CSAD: variants seen among roughly 807,000 people sequenced by gnomAD.
CSAD encodes the protein P-selectin cytoplasmic tail-associated protein.
Under a neutral mutation model 61.5 loss-of-function variants are expected in CSAD, and 47 were observed. That is an observed-to-expected ratio of 0.76 (90% CI 0.60 to 0.97). The LOEUF (loss-of-function observed/expected upper bound fraction) is 0.97, where lower values mean the gene tolerates loss of function less well. Ranked by LOEUF, CSAD falls within the 50% of genes least tolerant of loss-of-function variation. The probability of loss-of-function intolerance (pLI) is 0.00; values close to 1 mark genes in which losing one functional copy is unlikely to be tolerated. For synonymous variants in CSAD, 245 were observed against 252.7 expected, an observed-to-expected ratio of 0.97 and a Z score of 0.29; for missense variants, 611 against 643.6, an observed-to-expected ratio of 0.95 and a Z score of 0.55.
At position 53,160,767 on chromosome 12, in the gene CSAD, G is replaced by A. The variant is rs1407197472; in HGVS notation, c.962C>T (p.Thr321Ile). Reference protein sequence around the residue: ...LQCSALLLQDTSNLLKRCHGS... With the variant: ...LQCSALLLQDISNLLKRCHGS... ...CAGGGGCAGGGGCAGACCCACCGAG[G>A]TATCCTGGAGAAGAAGTGCAGAGCA... Residue 321 changes from threonine (T) to isoleucine (I), a missense_variant, in exon 13 of 17, where the codon ACC becomes ATC. By Grantham distance (89) the Thr-to-Ile change is moderately conservative. Transcript: ENST00000444623. 4 of 1,551,574 alleles carry A rather than the reference G, an allele frequency of 2.6e-6. No homozygotes were observed. Among genetic ancestry groups the A allele is most frequent in the Middle Eastern group, 3.3e-4 (2 of 5,992 alleles).
rs776345213 is a variant in CSAD at position 53,173,402 on chromosome 12, G to T, written c.69C>A (p.Ala23=). The part of the protein sequence containing the change: ...DPVAVEALLR[A]VFGVVVDEAI... Reference sequence around the variant, plus strand: ...CCTCATCCACAACAACCCCAAACACGGCCCGGAGCAAGGCTTCCACAGCCA... The same window carrying T: ...CCTCATCCACAACAACCCCAAACACTGCCCGGAGCAAGGCTTCCACAGCCA... The change falls in exon 4 of 17, where the codon GCC becomes GCA. Residue 23 remains alanine (A), a synonymous_variant. Transcript: ENST00000444623. The T allele has an allele frequency of 1.8e-5, 29 of 1,614,210 alleles. No homozygotes were observed. Among genetic ancestry groups the T allele is most frequent in the Non-Finnish European group, 2.0e-5 (24 of 1,180,038 alleles).
intron 2 of CSAD, among the ~76,000 whole-genome samples, chr12:53,174,919 G>A (rs1223388714): frequency 6.6e-6 from 1 of 152,170 alleles, no homozygotes; most frequent in South Asian, 2.1e-4. Context: ...TGTTATCAAA[G>A]GTCTAATGGA....
intron 1 of CSAD, chr12:53,179,792 T>C (rs770588102): frequency 6.2e-7 from 1 of 1,613,588 alleles, no homozygotes; most frequent in South Asian, 1.1e-5. Flanking sequence ...AAATGAGGAC[T>C]TCAGTGGAAT....
At chr12:53,180,154 A>G (rs1255367915) in intron 1 of CSAD, 1 of 1,254,416 alleles carries the variant, frequency 8.0e-7, no homozygotes, top group Non-Finnish European at 1.0e-6. Context: ...GAGAATTCAG[A>G]CTGTGGTTGA....
intron 10 of CSAD, among the ~76,000 whole-genome samples, chr12:53,167,466 T>C (rs921515072): frequency 5.3e-5 from 8 of 152,226 alleles, no homozygotes; most frequent in African/African-American, 1.9e-4. Flanking sequence ...AAGAGCACAA[T>C]GTACCTCACC....
At chr12:53,180,623 A>C in intron 1 of CSAD, 109 bp downstream of exon 1, 5 of 1,283,604 alleles carry the variant, frequency 3.9e-6, no homozygotes, top group Non-Finnish European at 5.1e-6. Flanking sequence ...TGCCCCCGCT[A>C]GTCTAGCTGC....
intron 3 of CSAD, 57 bp from the exon 4 acceptor site, chr12:53,173,533 C>G: frequency 6.2e-7 from 1 of 1,612,804 alleles, no homozygotes; most frequent in Non-Finnish European, 8.5e-7. Flanking sequence ...CGGACCTACC[C>G]AGCAGGAGCC....
intron 10 of CSAD, among the ~76,000 whole-genome samples, chr12:53,169,428 G>A (rs1050147878): frequency 2.7e-5 from 4 of 149,890 alleles, no homozygotes; most frequent in East Asian, 3.9e-4. Flanking sequence ...GCAGTGAGTC[G>A]AGATCACGCC....
In CSAD at chr12:53,158,634, A is replaced by G; in HGVS notation, c.1359T>C (p.Ile453=). 1 of 1,614,160 alleles carries G rather than the reference A, an allele frequency of 6.2e-7. No individual in the cohort carries two copies. The highest frequency in any genetic ancestry group is 8.5e-7 in the Non-Finnish European group (1 of 1,180,028). Residue 453 remains isoleucine, a synonymous_variant, in exon 17 of 17, where the codon ATT becomes ATC. Transcript: ENST00000444623. ...ERMVKEGSMM[I]GYQPHGTRGN... ...CCCGGGTCCCGTGGGGCTGGTAGCC[A>G]ATCATCATGGAGCCCTCCTTCACCA... is the stretch of plus-strand genomic sequence containing the variant.
intron 1 of CSAD, 97 bp downstream of exon 1, chr12:53,180,635 G>C (rs761179173): frequency 1.6e-6 from 2 of 1,283,352 alleles, no homozygotes; most frequent in Admixed American, 2.3e-5. Context: ...TCTAGCTGCC[G>C]AGCCCGGAAG....
At chr12:53,160,424 G>A in intron 13 of CSAD, 105 bp from the exon 14 acceptor site, 2 of 1,161,134 alleles carry the variant, frequency 1.7e-6, no homozygotes, top group South Asian at 1.3e-5. Flanking sequence ...TTCTTTCCCT[G>A]GAGCCAGATG....
At chr12:53,163,215 A>G (rs1939519844) in intron 10 of CSAD, among the ~76,000 whole-genome samples, 1 of 152,164 alleles carries the variant, frequency 6.6e-6, no homozygotes, top group Non-Finnish European at 1.5e-5. Flanking sequence ...AGCCTGGTCA[A>G]CAGAGTGAGG....
intron 11 of CSAD, 38 bp downstream of exon 11, chr12:53,161,231 TCAGC>T: frequency 6.2e-7 from 1 of 1,613,796 alleles, no homozygotes; most frequent in Non-Finnish European, 8.5e-7. Flanking sequence ...TGGCCTTGGC[TCAGC>T]CCACCCCACC....
At chr12:53,180,150 T>G (rs1486049262) in intron 1 of CSAD, 1 of 1,256,224 alleles carries the variant, frequency 8.0e-7, no homozygotes, top group Non-Finnish European at 1.0e-6. Flanking sequence ...CTGCGAGAAT[T>G]CAGACTGTGG....
At chr12:53,170,935 G>A in intron 8 of CSAD, 1 of 391,460 alleles carries the variant, frequency 2.6e-6, no homozygotes, top group Non-Finnish European at 4.8e-6. Flanking sequence ...TTCCCAGGGT[G>A]GTATCAAACT....
rs137915354 is a variant in CSAD at position 53,173,444 on chromosome 12, G to A, written c.27C>T (p.Ser9=). 6.6e-5 allele frequency: 106 copies of A among 1,614,076 alleles called. No homozygotes were observed. Among genetic ancestry groups the A allele is most frequent in the Non-Finnish European group, 8.2e-5 (97 of 1,180,040 alleles). MADSEALP[S]LAGDPVAVEA... ...CCACAGCCACTGGGTCCCCAGCAAG[G>A]GAGGGGAGTGCTTCTGAGTCAGCCA... The change falls in exon 4 of 17, where the codon TCC becomes TCT. Residue 9 remains serine (S), a synonymous_variant. Coordinates refer to ENST00000444623, the MANE Select transcript of CSAD (RefSeq NM_001244705.2).
Position 53,170,059 on chromosome 12 carries a change from C to G in CSAD, c.702+13G>C. On this transcript the variant is annotated intron_variant, in intron 10 of 16. Coordinates refer to ENST00000444623, the MANE Select transcript of CSAD (RefSeq NM_001244705.2). ...TGGAGGCTATATCACCCCAGCGAGCCTCACTGACTCACCTCAGCCTCGGCC... is the reference window on the plus strand; with the variant it reads ...TGGAGGCTATATCACCCCAGCGAGCGTCACTGACTCACCTCAGCCTCGGCC... The G allele has an allele frequency of 1.2e-6, 2 of 1,613,058 alleles. No individual in the cohort carries two copies. Among genetic ancestry groups the G allele is most frequent in the Non-Finnish European group, 1.7e-6 (2 of 1,179,038 alleles).
At position 53,160,131 on chromosome 12, in the gene CSAD, A is replaced by G. The variant is rs754961063; in HGVS notation, c.1155T>C (p.Phe385=). ...QGLERRIDQA[F]VLARYLVEEM... ...CTCCTCCCGCCTACCGGGCAAGGAC[A>G]AAGGCCTGGTCGATGCGCCGCTCCA... is the stretch of plus-strand genomic sequence containing the variant. Residue 385 remains phenylalanine (F), a synonymous_variant, in exon 14 of 17, where the codon TTT becomes TTC. Coordinates refer to ENST00000444623, the MANE Select transcript of CSAD (RefSeq NM_001244705.2). 2.5e-6 allele frequency: 4 copies of G among 1,613,418 alleles called. No homozygotes were observed. In the South Asian group the frequency reaches 4.4e-5, roughly 18 times the overall value.
Position 53,160,840 on chromosome 12 carries a change from C to T in CSAD, c.889G>A (p.Asp297Asn). The T allele has an allele frequency of 1.3e-6, 2 of 1,551,876 alleles. No homozygotes were observed. The highest frequency in any genetic ancestry group is 1.7e-4 in the Middle Eastern group (1 of 5,988). The change falls in exon 13 of 17, where the codon GAC becomes AAC. Residue 297 changes from aspartate to asparagine, a missense_variant. By Grantham distance (23) the Asp-to-Asn change is conservative (BLOSUM62 1). Coordinates refer to ENST00000444623, the MANE Select transcript of CSAD (RefSeq NM_001244705.2). Reference protein sequence around the residue: ...RHLLDGIQRADSVAWNPHKLL... With the variant: ...RHLLDGIQRANSVAWNPHKLL... ...TTGTGGGGATTCCAGGCCACAGAGT[C>T]AGCCCTGGATGGGGTGGAGCAAAGG...
Sources: allele counts gnomAD v4.1 joint callset (sites outside exome capture counted in the v4.1 genomes callset), GRCh38; gene constraint gnomAD v4.1.1; transcripts MANE v1.5; gene names NCBI Gene and HGNC (gene_info 2026-07-23, HGNC 2026-07-21).